WBP1: variants seen among roughly 807,000 people sequenced by gnomAD.
WBP1 encodes WW domain binding protein 1.
Under a neutral mutation model 25.6 loss-of-function variants are expected in WBP1, and 18 were observed. The ratio of observed to expected loss-of-function variants is 0.70; its 90% confidence interval spans 0.49 to 1.04. The LOEUF (loss-of-function observed/expected upper bound fraction) is 1.04, where lower values mean the gene tolerates loss of function less well. Ranked by LOEUF, WBP1 falls within the 50% of genes least tolerant of loss-of-function variation. The pLI is 0.00. For missense variants in WBP1, 330 were observed against 352.9 expected (o/e 0.94, Z 0.52); for synonymous variants, 122 against 137.7 (o/e 0.89, Z 0.80).
Position 74,460,286 on chromosome 2 carries a change from C to A in WBP1, c.415C>A (p.Pro139Thr), listed in dbSNP as rs768311124. 8 of 1,613,948 alleles carry A rather than the reference C, an allele frequency of 5.0e-6. No individual in the cohort carries two copies. The highest frequency in any genetic ancestry group is 1.7e-5 in the Admixed American group (1 of 60,004). ...GGTTCACCGCCCAGGCACACCACCC[C>A]CCCCTTATACTGTGGCCCCAGGCCG... ...DVVHRPGTPP[P>T]PYTVAPGRPL... is the part of the protein sequence containing the mutation. The change falls in exon 4 of 4, where the codon CCC becomes ACC. Residue 139 changes from proline (P) to threonine (T), a missense_variant. Coordinates refer to ENST00000233615, the MANE Select transcript of WBP1 (RefSeq NM_012477.4).
rs1245822072 is a variant in WBP1 at position 74,460,509 on chromosome 2, G to T, written c.638G>T (p.Gly213Val). The T allele has an allele frequency of 1.9e-6, 3 of 1,613,688 alleles. No homozygotes were observed. Among genetic ancestry groups the T allele is most frequent in the South Asian group, 1.1e-5 (1 of 91,066 alleles). The change falls in exon 4 of 4, where the codon GGT becomes GTT. Residue 213 changes from glycine (G) to valine (V), a missense_variant. Transcript: ENST00000233615. ...CRYRRLTGDS[G>V]IELCPCPASG... ...TATCGCCGTTTAACTGGCGACTCCG[G>T]TATTGAGCTCTGCCCTTGTCCTGCC...
intron 3 of WBP1, 39 bp downstream of exon 3, chr2:74,460,088 C>T (rs1671850747): frequency 3.1e-6 from 5 of 1,602,546 alleles, no homozygotes; most frequent in Non-Finnish European, 4.3e-6. Context: ...ACCAGTGGCC[C>T]TCCCCAAACC....
rs1319563380 is a variant in WBP1 at position 74,458,535 on chromosome 2, G to T, written c.-68G>T. 3 of 1,523,872 alleles carry T rather than the reference G, an allele frequency of 2.0e-6. No individual in the cohort carries two copies. In the Admixed American group the frequency reaches 6.1e-5, roughly 31 times the overall value. 94.4% of individuals were successfully genotyped at this position (1,523,872 alleles called of 1,614,324 possible). On this transcript the variant is annotated 5_prime_UTR_variant, in exon 1 of 4. The change creates a premature stop within an existing upstream ORF in the 5' untranslated region. Transcript: ENST00000233615. ...GGCAGGGACCATGGCGGTGGCAGCA[G>T]AGGTGGCAGGGGCGGGGCGGCTGGC... is the stretch of plus-strand genomic sequence containing the variant.
Position 74,459,909 on chromosome 2 carries a change from G to A in WBP1, c.209G>A (p.Ser70Asn). The A allele has an allele frequency of 6.2e-7, 1 of 1,614,160 alleles. No individual in the cohort carries two copies. Among genetic ancestry groups the A allele is most frequent in the Non-Finnish European group, 8.5e-7 (1 of 1,180,028 alleles). ...CTCTGGACTGTCCTCATCCTCTTTA[G>A]CTGCTGTTGCGCCTTCCGCCACCGA... ...WLLWTVLILF[S>N]CCCAFRHRRA... is the part of the protein sequence containing the mutation. The change falls in exon 3 of 4, where the codon AGC (serine) becomes AAC (asparagine). Residue 70 changes from serine to asparagine, a missense_variant. Physicochemically the swap from Ser to Asn is conservative, Grantham distance 46. Transcript: ENST00000233615.
In WBP1 at chr2:74,458,586, G is replaced by A. The variant is rs777746560; in HGVS notation, c.-17G>A. ...GGTAGAGGAGGCTGTGGTCCTCAGG[G>A]GGCTGTAGGTGGAGGTATGGCTCGG... On this transcript the variant is annotated 5_prime_UTR_variant, in exon 1 of 4. Coordinates refer to ENST00000233615, the MANE Select transcript of WBP1 (RefSeq NM_012477.4). 7.1e-6 allele frequency: 11 copies of A among 1,550,304 alleles called. No homozygotes were observed. The highest frequency in any genetic ancestry group is 2.0e-5 in the Admixed American group (1 of 50,694).
At chr2:74,459,057 G>T in intron 1 of WBP1, 1 of 1,550,044 alleles carries the variant, frequency 6.5e-7, no homozygotes, top group South Asian at 1.2e-5. Context: ...CCAGACTCGC[G>T]CCCTGGATGC....
Position 74,458,607 on chromosome 2 carries a change from C to G in WBP1, c.5C>G (p.Ala2Gly), listed in dbSNP as rs1272228282. The stretch of plus-strand genomic sequence containing the variant: ...CAGGGGGCTGTAGGTGGAGGTATGG[C>G]TCGGGCCAGCAGCGGGAACGGCAGC... M[A>G]RASSGNGSEE... The change falls in exon 1 of 4, where the codon GCT (alanine) becomes GGT (glycine). Residue 2 changes from alanine to glycine, a missense_variant. By Grantham distance (60) the Ala-to-Gly change is moderately conservative. Transcript: ENST00000233615. 1.3e-6 allele frequency: 2 copies of G among 1,558,730 alleles called. No homozygotes were observed. The highest frequency in any genetic ancestry group is 2.4e-5 in the South Asian group (2 of 84,820).
intron 2 of WBP1, 52 bp from the exon 3 acceptor site, chr2:74,459,820 GC>G (rs1671840484): frequency 1.2e-6 from 2 of 1,613,014 alleles, no homozygotes; most frequent in East Asian, 2.2e-5. Flanking sequence ...GGCCTTCAGG[GC>G]CCCTTCTCTG....
At chr2:74,459,251 T>C in intron 1 of WBP1, 1 of 1,166,850 alleles carries the variant, frequency 8.6e-7, no homozygotes. Flanking sequence ...CCGCTACCCG[T>C]TGTCTGAGAC....
chr2:74,460,424 C>G lies in WBP1; in HGVS notation c.553C>G (p.His185Asp), dbSNP rs61735750. The G allele has an allele frequency of 2.5e-6, 4 of 1,613,700 alleles. No homozygotes were observed. The highest frequency in any genetic ancestry group is 2.7e-5 in the African/African-American group (2 of 74,974). The change falls in exon 4 of 4, where the codon CAT becomes GAT. Residue 185 changes from histidine (H) to aspartate (D), a missense_variant. Physicochemically the swap from His to Asp is moderately conservative, Grantham distance 81 (BLOSUM62 -1). Transcript: ENST00000233615. ...GVSSHQSAPP[H>D]QEGEPGAGVT... Reference sequence around the variant, plus strand: ...TTCCTCCCACCAGAGTGCCCCCCCTCATCAGGAGGGTGAGCCCGGGGCAGG... The same window carrying G: ...TTCCTCCCACCAGAGTGCCCCCCCTGATCAGGAGGGTGAGCCCGGGGCAGG...
At chr2:74,459,523 C>G in intron 1 of WBP1, 120 bp from the exon 2 acceptor site, 2 of 883,450 alleles carry the variant, frequency 2.3e-6, no homozygotes, top group Non-Finnish European at 3.6e-6. Flanking sequence ...CCACTTCCCC[C>G]ATCTCTCCAA....
chr2:74,459,432 C>T (rs2103969634), intron 1 of WBP1: 2 of 635,544 alleles, frequency 3.1e-6, no homozygotes, highest in Admixed American at 3.0e-5. Flanking sequence ...TTGTCTTGTT[C>T]TCTAGACTGA....
Position 74,460,427 on chromosome 2 carries a change from C to T in WBP1, c.556C>T (p.Gln186Ter), listed in dbSNP as rs1368212533. ...CTCCCACCAGAGTGCCCCCCCTCAT[C>T]AGGAGGGTGAGCCCGGGGCAGGGGT... The part of the protein sequence containing the change: ...VSSHQSAPPH[Q>*]EGEPGAGVTP... Residue 186 changes from glutamine to a stop codon, truncating the protein, a stop_gained, in exon 4 of 4, where the codon CAG (glutamine) becomes TAG (stop). Transcript: ENST00000233615. LOFTEE classifies it high-confidence loss of function. The T allele has an allele frequency of 6.2e-7, 1 of 1,613,756 alleles. No homozygotes were observed. The highest frequency in any genetic ancestry group is 8.5e-7 in the Non-Finnish European group (1 of 1,180,012).
rs375578104 is a variant in WBP1, at chr2:74,458,669, C to T, written c.67C>T (p.Gln23Ter). Residue 23 changes from glutamine (Q) to a stop codon, truncating the protein, a stop_gained and splice_region_variant, in exon 1 of 4, where the codon CAG becomes TAG. Transcript: ENST00000233615. LOFTEE classifies it high-confidence loss of function. ...AWGALRAPQQ[Q>*]LRELCPGVNN... ...GGGGGCACTTCGGGCGCCGCAACAG[C>T]AGGTATCCCAATAGCTCCAAAACCT... The T allele has an allele frequency of 1.6e-5, 25 of 1,573,188 alleles. No homozygotes were observed. The highest frequency in any genetic ancestry group is 3.5e-5 in the South Asian group (3 of 85,672).
In WBP1 at chr2:74,460,289, C is replaced by A. The variant is rs146501258; in HGVS notation, c.418C>A (p.Pro140Thr). 4.8e-5 allele frequency: 77 copies of A among 1,614,030 alleles called. No individual in the cohort carries two copies. The highest frequency in any genetic ancestry group is 5.5e-5 in the Non-Finnish European group (65 of 1,180,000). Residue 140 changes from proline (P) to threonine (T), a missense_variant, in exon 4 of 4, where the codon CCT (proline) becomes ACT (threonine). By Grantham distance (38) the Pro-to-Thr change is conservative (BLOSUM62 -1). Transcript: ENST00000233615. ...VVHRPGTPPP[P>T]YTVAPGRPLT... ...TCACCGCCCAGGCACACCACCCCCCCCTTATACTGTGGCCCCAGGCCGCCC... is the reference window on the plus strand; with the variant it reads ...TCACCGCCCAGGCACACCACCCCCCACTTATACTGTGGCCCCAGGCCGCCC...
In WBP1 at chr2:74,459,649, G is replaced by C. The variant is rs758201113; in HGVS notation, c.76G>C (p.Glu26Gln). The C allele has an allele frequency of 1.2e-5, 19 of 1,614,006 alleles. No individual in the cohort carries two copies. The highest frequency in any genetic ancestry group is 1.7e-4 in the Middle Eastern group (1 of 6,014). Residue 26 changes from glutamate (E) to glutamine (Q), a missense_variant, in exon 2 of 4, where the codon GAG (glutamate) becomes CAG (glutamine). Transcript: ENST00000233615. ...AGTGCCTCCTTGCCCGCAGCTTCGA[G>C]AGCTGTGCCCAGGAGTGAACAACCA... ...ALRAPQQQLR[E>Q]LCPGVNNQPY...
chr2:74,459,834 T>G (rs1432400401), intron 2 of WBP1, 39 bp from the exon 3 acceptor site: 2 of 1,612,908 alleles, frequency 1.2e-6, no homozygotes, highest in African/African-American at 2.7e-5. Context: ...CTTCTCTGCA[T>G]GAAAGATGCC....
chr2:74,460,412 A>G lies in WBP1; in HGVS notation c.541A>G (p.Ser181Gly), dbSNP rs756065273. ...TNVEGVSSHQ[S>G]APPHQEGEPG... ...TGTGGAAGGTGTTTCCTCCCACCAGAGTGCCCCCCCTCATCAGGAGGGTGA... is the reference window on the plus strand; with the variant it reads ...TGTGGAAGGTGTTTCCTCCCACCAGGGTGCCCCCCCTCATCAGGAGGGTGA... Residue 181 changes from serine (S) to glycine (G), a missense_variant, in exon 4 of 4, where the codon AGT (serine) becomes GGT (glycine). Ser to Gly is a moderately conservative substitution (Grantham distance 56). Transcript: ENST00000233615. 32 of 1,613,588 alleles carry G rather than the reference A, an allele frequency of 2.0e-5. No homozygotes were observed. The highest frequency in any genetic ancestry group is 3.3e-5 in the South Asian group (3 of 91,076).
chr2:74,458,771 A>G lies in WBP1; in HGVS notation c.69+100A>G, dbSNP rs1671792846. On this transcript the variant is annotated intron_variant, in intron 1 of 3. Coordinates refer to ENST00000233615, the MANE Select transcript of WBP1 (RefSeq NM_012477.4). ...GGTGGGGGAGGAACTCACGGAGCCA[A>G]AGGTACTGTGAAGTTCCTAAACATG... is the stretch of plus-strand genomic sequence containing the variant. 2.0e-6 allele frequency: 3 copies of G among 1,520,224 alleles called. No individual in the cohort carries two copies. The South Asian group carries it at 3.8e-5, about 19-fold the overall frequency. 94.2% of individuals were successfully genotyped at this position (1,520,224 alleles called of 1,614,324 possible). A position where few individuals can be genotyped will look rare whatever the true frequency, so the allele number is the denominator to read the frequency against.
Sources: allele counts gnomAD v4.1 joint callset, GRCh38; gene constraint gnomAD v4.1.1; transcripts MANE v1.5; gene names NCBI Gene and HGNC (gene_info 2026-07-23, HGNC 2026-07-21).